The following CASP10 variants were observed in gnomAD, a reference collection of about 807,000 sequenced individuals.
The protein encoded by CASP10 is caspase-10.
In CASP10, 41 loss-of-function variants were observed where a neutral mutation model predicts 48.5. The observed-to-expected ratio is 0.85, with a 90% CI of 0.66 to 1.10. CASP10 has a LOEUF of 1.10. Ranked by LOEUF, CASP10 falls within the 50% of genes least tolerant of loss-of-function variation. The pLI is 0.00. For synonymous variants in CASP10, 232 were observed against 238.4 expected, an observed-to-expected ratio of 0.97 and a Z score of 0.25; for missense variants, 614 against 614.5, an observed-to-expected ratio of 1.00 and a Z score of 0.01.
exon 10 of CASP10, chr2:201,229,307 T>C: frequency 1.7e-6 from 1 of 586,022 alleles, no homozygotes; most frequent in South Asian, 2.1e-5. Context: ...ATTCCCATTT[T>C]CTTTATTTAG....
At chr2:201,215,836 G>A (rs974046059) in intron 9 of CASP10, among the ~76,000 whole-genome samples, 1 of 151,892 alleles carries the variant, frequency 6.6e-6, no homozygotes, top group African/African-American at 2.4e-5. Flanking sequence ...TTTTAGAGAT[G>A]GGGTCTTGTT....
chr2:201,187,869 G>C (rs1411367858), intron 3 of CASP10, 70 bp downstream of exon 3: 2 of 1,129,206 alleles, frequency 1.8e-6, no homozygotes, highest in Admixed American at 3.4e-5. Context: ...ATGCTGGAAA[G>C]GGTTTTTAGG....
chr2:201,200,424 G>T, intron 5 of CASP10: 1 of 1,596,504 alleles, frequency 6.3e-7, no homozygotes, highest in East Asian at 2.2e-5. Context: ...TGTAAAGAAG[G>T]ACCCTCCTTT....
chr2:201,217,058 A>G (rs1381071171), intron 9 of CASP10, among the ~76,000 whole-genome samples: 1 of 152,144 alleles, frequency 6.6e-6, no homozygotes, highest in Non-Finnish European at 1.5e-5. Flanking sequence ...TGTATATGCC[A>G]TCCTCGGTAA....
chr2:201,225,516 A>C (rs1182483685), downstream of CASP10, among the ~76,000 whole-genome samples: 1 of 152,164 alleles, frequency 6.6e-6, no homozygotes, highest in East Asian at 1.9e-4. Flanking sequence ...CTGTTTTACT[A>C]ATCATCGAAT....
At chr2:201,206,143 C>T (rs771415756) in intron 7 of CASP10, 170 bp downstream of exon 7, 2 of 552,630 alleles carry the variant, frequency 3.6e-6, no homozygotes, top group Non-Finnish European at 3.2e-6. Flanking sequence ...GTAATTATCT[C>T]TGTTCTTCCC....
chr2:201,209,797 A>T (rs1394204559), intron 9 of CASP10, among the ~76,000 whole-genome samples: 3 of 151,982 alleles, frequency 2.0e-5, no homozygotes, highest in African/African-American at 7.3e-5. Context: ...CCATCCATCC[A>T]TCCATCCAGC....
chr2:201,221,056 A>G lies in CASP10; in HGVS notation c.*3315A>G. The G allele has an allele frequency of 1.0e-6, 1 of 985,424 alleles. No individual in the cohort carries two copies. The highest frequency in any genetic ancestry group is 1.2e-6 in the Non-Finnish European group (1 of 829,894). The allele number at this position is 985,424 out of a possible 1,614,324, so 61.0% of individuals were successfully genotyped here. A position where few individuals can be genotyped will look rare whatever the true frequency, so the allele number is the denominator to read the frequency against. On this transcript the variant is annotated 3_prime_UTR_variant, in exon 10 of 10. Transcript: ENST00000286186. ...CATCTATTTAAATCTAACTGTGCTG[A>G]GGTGCATATAAATGCCTTTAGGTGG...
chr2:201,217,869 C>A lies in CASP10; in HGVS notation c.*128C>A. 2 of 1,594,780 alleles carry A rather than the reference C, an allele frequency of 1.3e-6. No homozygotes were observed. The highest frequency in any genetic ancestry group is 1.7e-6 in the Non-Finnish European group (2 of 1,172,048). On this transcript the variant is annotated 3_prime_UTR_variant, in exon 10 of 10. Coordinates refer to ENST00000286186, the MANE Select transcript of CASP10 (RefSeq NM_032977.4). Reference sequence around the variant, plus strand: ...AAACAGGAAACACCGTGTTTTCTGACACAGTCAATTCTGATTTTCTTTTTC... The same window carrying A: ...AAACAGGAAACACCGTGTTTTCTGAAACAGTCAATTCTGATTTTCTTTTTC...
At chr2:201,203,239 C>T (rs946353686) in intron 5 of CASP10, among the ~76,000 whole-genome samples, 3 of 151,866 alleles carry the variant, frequency 2.0e-5, no homozygotes, top group Admixed American at 6.6e-5. Context: ...TTTGCCAGTG[C>T]GTCTTTGTGA....
At chr2:201,221,823 CGTT>C (rs915700125), downstream of CASP10, among the ~76,000 whole-genome samples, 83 of 152,264 alleles carry the variant, frequency 5.5e-4, no homozygotes, top group African/African-American at 1.9e-3. Context: ...AATCAGGAAA[CGTT>C]GTTTTTAGGG....
At chr2:201,193,814 T>C (rs1320153837) in intron 4 of CASP10, among the ~76,000 whole-genome samples, 2 of 152,330 alleles carry the variant, frequency 1.3e-5, no homozygotes, top group East Asian at 3.9e-4. Context: ...GAGTGGACTC[T>C]ATAGAGTCGG....
At chr2:201,227,866 C>A (rs560825272) in intron 9 of CASP10, among the ~76,000 whole-genome samples, 1 of 151,984 alleles carries the variant, frequency 6.6e-6, no homozygotes, top group Non-Finnish European at 1.5e-5. Flanking sequence ...GCCCCCAAAC[C>A]GGTTTCTAAC....
At chr2:201,208,250 A>G (rs41419046) in intron 8 of CASP10, 67 bp downstream of exon 8, 5 of 1,551,870 alleles carry the variant, frequency 3.2e-6, no homozygotes, top group Non-Finnish European at 4.3e-6. Context: ...TTATTTTCAC[A>G]TTTTCTTTCT....
chr2:201,219,401 C>G lies in CASP10; in HGVS notation c.*1660C>G. 1.0e-6 allele frequency: 1 copy of G among 980,152 alleles called. No individual in the cohort carries two copies. Among genetic ancestry groups the G allele is most frequent in the Non-Finnish European group, 1.2e-6 (1 of 825,136 alleles). The allele number at this position is 980,152 out of a possible 1,614,324, so 60.7% of individuals were successfully genotyped here. On this transcript the variant is annotated 3_prime_UTR_variant, in exon 10 of 10. Coordinates refer to ENST00000286186, the MANE Select transcript of CASP10 (RefSeq NM_032977.4). ...GAAACCCAGGAGTGGATAACACTGG[C>G]TTCAGGCAAAGCTTGAATCAGGACT...
intron 9 of CASP10, among the ~76,000 whole-genome samples, chr2:201,216,934 C>T (rs1196040002): frequency 6.6e-6 from 1 of 152,214 alleles, no homozygotes; most frequent in Non-Finnish European, 1.5e-5. Context: ...CTACCATCTG[C>T]ATGAAGCCTT....
Position 201,220,955 on chromosome 2 carries a change from C to T in CASP10, c.*3214C>T. 2 of 985,418 alleles carry T rather than the reference C, an allele frequency of 2.0e-6. No individual in the cohort carries two copies. Among genetic ancestry groups the T allele is most frequent in the Non-Finnish European group, 2.4e-6 (2 of 829,936 alleles). 61.0% of individuals were successfully genotyped at this position (985,418 alleles called of 1,614,324 possible). ...AGAGACACTAACTAAATCAAGCTAG[C>T]TTTTTTCAGCCTTGTCTGTAAAGTA... On this transcript the variant is annotated 3_prime_UTR_variant, in exon 10 of 10. Transcript: ENST00000286186.
At chr2:201,193,217 G>GTTTT (rs1161052279) in intron 4 of CASP10, 98 bp downstream of exon 4, 1 of 1,324,452 alleles carries the variant, frequency 7.6e-7, no homozygotes, top group Non-Finnish European at 1.1e-6. Context: ...GTTTTGTTTT[G>GTTTT]TTTTGAGGCA....
intron 9 of CASP10, among the ~76,000 whole-genome samples, chr2:201,227,025 C>T (rs1358346451): frequency 1.3e-5 from 2 of 151,726 alleles, no homozygotes; most frequent in African/African-American, 2.4e-5. Context: ...TATACAGATG[C>T]ATGGGGGTGA....
Sources: allele counts gnomAD v4.1 joint callset (sites outside exome capture counted in the v4.1 genomes callset), GRCh38; gene constraint gnomAD v4.1.1; transcripts MANE v1.5; gene names NCBI Gene and HGNC (gene_info 2026-07-23, HGNC 2026-07-21).